Variants in ARHGAP42 observed in about 807,000 individuals in gnomAD.
ARHGAP42 encodes the protein rho GTPase-activating protein 42.
A neutral mutation model predicts 125.0 loss-of-function variants in ARHGAP42; 63 were observed. The ratio of observed to expected loss-of-function variants is 0.50; its 90% CI spans 0.41 to 0.62. ARHGAP42 has a LOEUF of 0.62. Among genes scored for constraint, ARHGAP42 ranks in the 20% least tolerant of loss-of-function variants. The pLI is 0.00. For missense variants in ARHGAP42, 766 were observed against 1,024.2 expected (o/e 0.75, Z 3.44); for synonymous variants, 339 against 351.0 (o/e 0.97, Z 0.38).
At chr11:100,779,589 CGT>C (rs1213466729) in intron 2 of ARHGAP42, among the ~76,000 whole-genome samples, 3 of 116,962 alleles carry the variant, frequency 2.6e-5, no homozygotes, top group East Asian at 2.2e-4. Flanking sequence ...TACATATATA[CGT>C]GTATATATAT....
Position 100,687,712 on chromosome 11 carries a change from T to C in ARHGAP42, c.34T>C (p.Tyr12His). The C allele has an allele frequency of 1.9e-6, 3 of 1,548,274 alleles. No homozygotes were observed. The highest frequency in any genetic ancestry group is 2.6e-6 in the Non-Finnish European group (3 of 1,145,894). ...GLPTLEFSDS[Y>H]LDSPDFRERL... ...GCCCACTCTGGAGTTCAGCGATTCC[T>C]ACTTGGACAGCCCAGATTTCAGGGA... The change falls in exon 1 of 24, where the codon TAC becomes CAC. Residue 12 changes from tyrosine to histidine, a missense_variant. Transcript: ENST00000298815.
In ARHGAP42 at chr11:100,762,970, ATTTTTTTTTTTTT is replaced by A. The variant is rs553749625; in HGVS notation, c.155-7359_155-7347del. ...ACGAGCTTTTCAGTAGTTTATAGTG[ATTTTTTTTTTTTT>A]TTTTTTTTTTTTTGAGATGGAGTTT... is the stretch of plus-strand genomic sequence containing the variant. On this transcript the variant is annotated intron_variant, in intron 1 of 23. Transcript: ENST00000298815. Among the ~76,000 whole-genome samples, 14 of 84,992 alleles carry A rather than the reference ATTTTTTTTTTTTT, an allele frequency of 1.6e-4. 1 individual carries two copies. The highest frequency in any genetic ancestry group is 9.5e-4 in the Admixed American group (7 of 7,376). 55.8% of individuals were successfully genotyped at this position (84,992 alleles called of 152,430 possible).
At chr11:100,938,806 C>T (rs145329174) in intron 8 of ARHGAP42, among the ~76,000 whole-genome samples, 82 of 152,206 alleles carry the variant, frequency 5.4e-4, no homozygotes, top group South Asian at 4.8e-3. Context: ...TCTTTGAAAG[C>T]GTTTACAATT....
Position 100,859,569 on chromosome 11 carries a change from G to A in ARHGAP42, c.328G>A (p.Asp110Asn), listed in dbSNP as rs918047089. 8.5e-6 allele frequency: 13 copies of A among 1,520,566 alleles called. No individual in the cohort carries two copies. The African/African-American group carries it at 9.8e-5, about 12-fold the overall frequency. 94.2% of individuals were successfully genotyped at this position (1,520,566 alleles called of 1,614,324 possible). Residue 110 changes from aspartate (D) to asparagine (N), a missense_variant, in exon 4 of 24, where the codon GAT (aspartate) becomes AAT (asparagine). Physicochemically the swap from Asp to Asn is conservative, Grantham distance 23 (BLOSUM62 1). Coordinates refer to ENST00000298815, the MANE Select transcript of ARHGAP42 (RefSeq NM_152432.4). Reference sequence around the variant, plus strand: ...TTTATTTCAGATCCAAAACGCTAACGATGTATTAATTGCACCACTTGAGAA... The same window carrying A: ...TTTATTTCAGATCCAAAACGCTAACAATGTATTAATTGCACCACTTGAGAA... ...ERRRLIQNAN[D>N]VLIAPLEKFR...
intron 1 of ARHGAP42, among the ~76,000 whole-genome samples, chr11:100,766,156 T>C (rs1018098810): frequency 1.3e-5 from 2 of 152,012 alleles, no homozygotes; most frequent in Admixed American, 1.3e-4. Flanking sequence ...TTTTGAGTTA[T>C]GATGTGAATG....
intron 1 of ARHGAP42, among the ~76,000 whole-genome samples, chr11:100,695,685 A>G (rs1861265330): frequency 6.6e-6 from 1 of 152,192 alleles, no homozygotes; most frequent in Non-Finnish European, 1.5e-5. Flanking sequence ...TTCTTTTATC[A>G]AAAATCCAGT....
At chr11:100,956,030 C>A (rs1857796083) in intron 12 of ARHGAP42, among the ~76,000 whole-genome samples, 1 of 152,092 alleles carries the variant, frequency 6.6e-6, no homozygotes, top group South Asian at 2.1e-4. Flanking sequence ...ATCTTGTCCT[C>A]TTCTCAGACC....
intron 3 of ARHGAP42, among the ~76,000 whole-genome samples, chr11:100,817,886 T>G (rs541038234): frequency 1.3e-4 from 20 of 152,290 alleles, no homozygotes; most frequent in Non-Finnish European, 2.4e-4. Context: ...GAAGTGTTGG[T>G]GATGATACTG....
rs373508179 is a variant in ARHGAP42, at chr11:100,903,117, G to GCGCGCGCA, written c.385-10334_385-10333insGCGCGCAC. Among the ~76,000 whole-genome samples the GCGCGCGCA allele has an allele frequency of 7.6e-5, 10 of 132,036 alleles. No individual in the cohort carries two copies. In the East Asian group the frequency reaches 1.8e-3, roughly 24 times the overall value. 86.6% of individuals were successfully genotyped at this position (132,036 alleles called of 152,430 possible). On this transcript the variant is annotated intron_variant, in intron 4 of 23. Transcript: ENST00000298815. ...TCCTCAATCTTGCTGTCCAAGATGC[G>GCGCGCGCA]CACACACACACACACACACACACAC...
chr11:100,689,891 G>T (rs1019825568), intron 1 of ARHGAP42, among the ~76,000 whole-genome samples: 1 of 152,026 alleles, frequency 6.6e-6, no homozygotes, highest in Admixed American at 6.5e-5. Context: ...GATTTTTTTC[G>T]TACCAAGCCA....
intron 3 of ARHGAP42, among the ~76,000 whole-genome samples, chr11:100,837,573 T>C (rs1368227769): frequency 1.3e-5 from 2 of 150,574 alleles, no homozygotes; most frequent in African/African-American, 2.4e-5. Context: ...GCATACTATA[T>C]GGATAAGCAT....
At chr11:100,726,717 G>A (rs1214307055) in intron 1 of ARHGAP42, among the ~76,000 whole-genome samples, 1 of 152,204 alleles carries the variant, frequency 6.6e-6, no homozygotes, top group East Asian at 1.9e-4. Flanking sequence ...CACTAGGGAA[G>A]CCTTGTATAA....
At chr11:100,820,106 G>A (rs1251671840) in intron 3 of ARHGAP42, among the ~76,000 whole-genome samples, 1 of 152,022 alleles carries the variant, frequency 6.6e-6, no homozygotes, top group Non-Finnish European at 1.5e-5. Context: ...ATATTATTTC[G>A]GTGGTTCCCA....
At position 100,992,318 on chromosome 11, in the gene ARHGAP42, C is replaced by A. The variant is rs1269143598; in HGVS notation, c.*3517C>A. ...ACTCACAGCTGTTAGCATGACCTCA[C>A]ATCACTGCGTAGGACCCGGAAATCA... is the stretch of plus-strand genomic sequence containing the variant. On this transcript the variant is annotated 3_prime_UTR_variant, in exon 24 of 24. Coordinates refer to ENST00000298815, the MANE Select transcript of ARHGAP42 (RefSeq NM_152432.4). 1.2e-6 allele frequency: 2 copies of A among 1,600,198 alleles called. No individual in the cohort carries two copies. Among genetic ancestry groups the A allele is most frequent in the Non-Finnish European group, 1.7e-6 (2 of 1,174,496 alleles).
intron 1 of ARHGAP42, among the ~76,000 whole-genome samples, chr11:100,713,852 C>T (rs902019760): frequency 9.9e-5 from 15 of 152,130 alleles, no homozygotes; most frequent in South Asian, 2.1e-4. Context: ...TGAGCAAATT[C>T]GTTGCATTTT....
intron 2 of ARHGAP42, among the ~76,000 whole-genome samples, chr11:100,775,791 G>C (rs1565208909): frequency 6.6e-6 from 1 of 152,144 alleles, no homozygotes. Flanking sequence ...TTTTGTTTTT[G>C]TATTAAGTAC....
intron 1 of ARHGAP42, among the ~76,000 whole-genome samples, chr11:100,769,307 T>C (rs989937018): frequency 2.6e-5 from 4 of 152,166 alleles, no homozygotes; most frequent in Admixed American, 2.6e-4. Context: ...AGCAAGTAAG[T>C]GGTGGGGCTT....
chr11:100,746,291 G>A (rs1031010650), intron 1 of ARHGAP42, among the ~76,000 whole-genome samples: 1 of 152,208 alleles, frequency 6.6e-6, no homozygotes, highest in Non-Finnish European at 1.5e-5. Flanking sequence ...AATGGAAGCT[G>A]GATGGCCCTC....
chr11:100,825,257 G>C (rs1265442333), intron 3 of ARHGAP42, among the ~76,000 whole-genome samples: 1 of 152,056 alleles, frequency 6.6e-6, no homozygotes, highest in African/African-American at 2.4e-5. Context: ...TATGTTCTAT[G>C]TTTATTTCTC....
Sources: gnomAD v4.1 joint callset for allele counts (sites outside exome capture counted in the v4.1 genomes callset) on GRCh38, gnomAD v4.1.1 for gene constraint, MANE v1.5 for transcripts, NCBI Gene and HGNC (gene_info 2026-07-23, HGNC 2026-07-21) for gene names.